Variants in TTC27 observed in about 807,000 individuals in gnomAD.
The protein encoded by TTC27 is tetratricopeptide repeat protein 27.
Under a neutral mutation model 115.9 loss-of-function variants are expected in TTC27, and 79 were observed. The ratio of observed to expected loss-of-function variants is 0.68; its 90% CI spans 0.57 to 0.82. The LOEUF is 0.82. TTC27 is among the 40% of genes least tolerant of loss of function. TTC27 has a pLI of 0.00. For missense variants in TTC27, 1,054 were observed against 993.1 expected (o/e 1.06, Z -0.82); for synonymous variants, 401 against 356.0 (o/e 1.13, Z -1.42).
At chr2:32,702,600 A>G (rs1226356838) in intron 9 of TTC27, among the ~76,000 whole-genome samples, 1 of 152,200 alleles carries the variant, frequency 6.6e-6, no homozygotes, top group Non-Finnish European at 1.5e-5. Context: ...CCCTACCCTA[A>G]CAAATGCCAG....
At position 32,811,046 on chromosome 2, in the gene TTC27, C is replaced by A. The variant is rs79084280; in HGVS notation, c.2021C>A (p.Ala674Glu). Residue 674 changes from alanine to glutamate, a missense_variant, in exon 17 of 20, where the codon GCA becomes GAA. By Grantham distance (107) the Ala-to-Glu change is moderately radical (BLOSUM62 -1). Coordinates refer to ENST00000317907, the MANE Select transcript of TTC27 (RefSeq NM_017735.5). ...AAGGTCCTTAAAATTCTAGTCAGGGCAGTGATTGATGGGATGACTGATCGA... is the reference window on the plus strand; with the variant it reads ...AAGGTCCTTAAAATTCTAGTCAGGGAAGTGATTGATGGGATGACTGATCGA... ...DVQVLKILVR[A>E]VIDGMTDRSG... 142 of 1,614,070 alleles carry A rather than the reference C, an allele frequency of 8.8e-5. No homozygotes were observed. The African/African-American group carries it at 1.7e-3, about 20-fold the overall frequency.
intron 4 of TTC27, among the ~76,000 whole-genome samples, chr2:32,642,263 T>TTC (rs913663844): frequency 1.0e-4 from 15 of 147,666 alleles, no homozygotes; most frequent in African/African-American, 3.5e-4. Context: ...TTTTTTTTTT[T>TTC]TTTTTTGAGA....
chr2:32,771,019 C>T (rs750279894), intron 13 of TTC27, among the ~76,000 whole-genome samples: 1 of 152,098 alleles, frequency 6.6e-6, no homozygotes, highest in Non-Finnish European at 1.5e-5. Context: ...TGCATAACTG[C>T]CAAGAAATGT....
At chr2:32,702,742 C>G in intron 9 of TTC27, 65 bp from the exon 10 acceptor site, 1 of 1,020,530 alleles carries the variant, frequency 9.8e-7, no homozygotes, top group Non-Finnish European at 1.5e-6. Context: ...TAATTTTGTC[C>G]TATTCAGAAT....
rs568426978 is a variant in TTC27 at position 32,754,902 on chromosome 2, G to A, written c.1453-3390G>A. On this transcript the variant is annotated intron_variant, in intron 12 of 19. Coordinates refer to ENST00000317907, the MANE Select transcript of TTC27 (RefSeq NM_017735.5). ...GACCCCCCCCACCTCCCTCCCGGAC[G>A]GGGTGGCTGCCGGGCGGGGATGCTC... 7.3e-5 allele frequency among the ~76,000 whole-genome samples: 11 copies of A among 151,566 alleles called. 1 individual carries two copies. Among genetic ancestry groups the A allele is most frequent in the East Asian group, 5.9e-4 (3 of 5,080 alleles).
intron 10 of TTC27, among the ~76,000 whole-genome samples, chr2:32,712,998 C>G (rs57438439): frequency 0.13 from 19,179 of 152,056 alleles, 1,510 homozygotes; most frequent in Middle Eastern, 0.24. Flanking sequence ...GTGATTAGGT[C>G]ATTAATGGAT....
At chr2:32,812,481 T>C in intron 17 of TTC27, 23 bp from the exon 18 acceptor site, 4 of 1,515,414 alleles carry the variant, frequency 2.6e-6, no homozygotes, top group Non-Finnish European at 3.7e-6. Context: ...TTATTCTGAA[T>C]GTTGTTCTTT....
intron 7 of TTC27, among the ~76,000 whole-genome samples, chr2:32,670,039 G>T (rs1665952665): frequency 6.6e-6 from 1 of 151,710 alleles, no homozygotes; most frequent in African/African-American, 2.4e-5. Flanking sequence ...CACCACGCCC[G>T]GATAGTTGTT....
chr2:32,648,193 T>C (rs1664938501), intron 4 of TTC27, among the ~76,000 whole-genome samples: 1 of 152,054 alleles, frequency 6.6e-6, no homozygotes, highest in Non-Finnish European at 1.5e-5. Context: ...AGTGGTGCAA[T>C]CTTGGCTCAC....
chr2:32,795,490 C>A (rs1213178784), intron 16 of TTC27, among the ~76,000 whole-genome samples: 1 of 151,712 alleles, frequency 6.6e-6, no homozygotes, highest in Non-Finnish European at 1.5e-5. Flanking sequence ...AAACCCACAG[C>A]AAACATCATA....
At chr2:32,652,030 A>G (rs1281858021) in intron 5 of TTC27, among the ~76,000 whole-genome samples, 4 of 151,952 alleles carry the variant, frequency 2.6e-5, no homozygotes, top group Admixed American at 1.3e-4. Context: ...TGGTTCTGGA[A>G]CCTGACCCTC....
chr2:32,802,656 C>T (rs961897687), intron 16 of TTC27, among the ~76,000 whole-genome samples: 1 of 152,168 alleles, frequency 6.6e-6, no homozygotes, highest in African/African-American at 2.4e-5. Context: ...CCTTTCTTCT[C>T]CGTTGGCTTC....
At chr2:32,780,257 A>T (rs897752227) in intron 14 of TTC27, 2 of 270,836 alleles carry the variant, frequency 7.4e-6, no homozygotes, top group African/African-American at 4.3e-5. Flanking sequence ...GAGTACTGCC[A>T]TCTTAATAAT....
chr2:32,790,082 A>G (rs17012287), intron 16 of TTC27, among the ~76,000 whole-genome samples: 2,069 of 152,068 alleles, frequency 0.014, 40 homozygotes, highest in African/African-American at 0.045. Context: ...GAATTCAGAT[A>G]ACGTGATTTA....
intron 19 of TTC27, among the ~76,000 whole-genome samples, 189 bp downstream of exon 19, chr2:32,817,746 T>TTA (rs1190182768): frequency 2.8e-4 from 42 of 152,174 alleles, no homozygotes; most frequent in African/African-American, 8.9e-4. Context: ...CCACTCTAAA[T>TTA]GTGTATGACT....
At position 32,736,766 on chromosome 2, in the gene TTC27, A is replaced by C; in HGVS notation, c.1402A>C (p.Met468Leu). ...SALQIFEKLE[M>L]WEDVVICYER... ...CCTTCAGATATTTGAAAAGCTAGAA[A>C]TGTGGGAAGATGTTGTCATTTGTTA... The change falls in exon 12 of 20, where the codon ATG becomes CTG. Residue 468 changes from methionine (M) to leucine (L), a missense_variant. Transcript: ENST00000317907. The C allele has an allele frequency of 6.2e-7, 1 of 1,614,038 alleles. No homozygotes were observed. Among genetic ancestry groups the C allele is most frequent in the Non-Finnish European group, 8.5e-7 (1 of 1,179,952 alleles).
chr2:32,651,620 C>T (rs1368355927), intron 5 of TTC27, among the ~76,000 whole-genome samples: 1 of 152,190 alleles, frequency 6.6e-6, no homozygotes, highest in African/African-American at 2.4e-5. Context: ...GTTGGGATTA[C>T]AGGCTCGAGC....
intron 1 of TTC27, among the ~76,000 whole-genome samples, chr2:32,628,602 T>C (rs1372594000): frequency 1.3e-5 from 2 of 152,200 alleles, no homozygotes; most frequent in Non-Finnish European, 2.9e-5. Flanking sequence ...AATGGCAATG[T>C]CAGTTATTTT....
At chr2:32,706,302 C>T (rs1242569972) in intron 10 of TTC27, among the ~76,000 whole-genome samples, 10 of 150,780 alleles carry the variant, frequency 6.6e-5, no homozygotes, top group Middle Eastern at 3.4e-3. Flanking sequence ...AGGCTGGTCT[C>T]GAACTCCTGA....
Sources: gnomAD v4.1 joint callset for allele counts (sites outside exome capture counted in the v4.1 genomes callset) on GRCh38, gnomAD v4.1.1 for gene constraint, MANE v1.5 for transcripts, NCBI Gene and HGNC (gene_info 2026-07-23, HGNC 2026-07-21) for gene names.